Variants in ZNF91 observed in about 807,000 individuals in gnomAD.
The protein encoded by ZNF91 is zinc finger protein 91 (HPF7, HTF10).
In ZNF91, 7 loss-of-function variants were observed where a neutral mutation model predicts 12.6. That is an observed-to-expected ratio of 0.55 (90% CI 0.31 to 1.04). ZNF91 has a LOEUF of 1.04. Among genes scored for constraint, ZNF91 ranks in the 50% least tolerant of loss-of-function variants. ZNF91 has a pLI of 0.05. For missense variants in ZNF91, 1,217 were observed against 1,385.4 expected (o/e 0.88, Z 1.93); for synonymous variants, 453 against 462.6 (o/e 0.98, Z 0.27).
rs1418863068 is a variant in ZNF91 at position 23,395,307 on chromosome 19, C to G, written c.30+18G>C. 1.9e-6 allele frequency: 3 copies of G among 1,612,888 alleles called. No individual in the cohort carries two copies. The highest frequency in any genetic ancestry group is 1.3e-5 in the African/African-American group (1 of 74,980). On this transcript the variant is annotated intron_variant, in intron 1 of 3. Coordinates refer to ENST00000300619, the MANE Select transcript of ZNF91 (RefSeq NM_003430.4). The stretch of plus-strand genomic sequence containing the variant: ...AGCCCCGTTCCCTCTCTCGGGACGT[C>G]GCACCTGGCAGTCTCACCATTTCTA...
At chr19:23,337,811 T>C (rs541137620), downstream of ZNF91, 1 of 152,224 alleles carries the variant, frequency 6.6e-6, no homozygotes, top group South Asian at 2.1e-4. Flanking sequence ...TATCTTTTAA[T>C]AGAAACTGAA....
intron 1 of ZNF91, chr19:23,385,105 TCCGAACAGTACC>T (rs986127522): frequency 6.1e-6 from 5 of 824,430 alleles, no homozygotes; most frequent in Non-Finnish European, 1.0e-5. Context: ...CTCCAACCTG[TCCGAACAGTACC>T]CCGAATGGCC....
intron 1 of ZNF91, chr19:23,327,761 TTTAA>T (rs951090594): frequency 3.9e-5 from 6 of 152,198 alleles, no homozygotes; most frequent in Non-Finnish European, 7.3e-5. Flanking sequence ...TTTATAATGG[TTTAA>T]TTAACAACCC....
intron 3 of ZNF91, among the ~76,000 whole-genome samples, chr19:23,349,346 T>G (rs1968306590): frequency 6.6e-6 from 1 of 152,110 alleles, no homozygotes; most frequent in Non-Finnish European, 1.5e-5. Context: ...AAAATTTCTC[T>G]CTTTATACTC....
rs767174133 is a variant in ZNF91 at position 23,362,031 on chromosome 19, A to G, written c.948T>C (p.His316=). The G allele has an allele frequency of 4.3e-6, 7 of 1,613,752 alleles. No homozygotes were observed. The highest frequency in any genetic ancestry group is 1.1e-5 in the South Asian group (1 of 91,062). Residue 316 remains histidine, a synonymous_variant, in exon 4 of 4, where the codon CAT becomes CAC. Coordinates refer to ENST00000300619, the MANE Select transcript of ZNF91 (RefSeq NM_003430.4). ...CACATTTGTAGGGTTTCTCTCCAGT[A>G]TGAATTCTCTTATGTTTAGCAAGGG... ...SSTLAKHKRI[H]TGEKPYKCEE... is the part of the protein sequence containing the mutation.
chr19:23,317,239 G>A (rs991514965), intron 1 of ZNF91, among the ~76,000 whole-genome samples: 7 of 151,908 alleles, frequency 4.6e-5, no homozygotes, highest in African/African-American at 1.2e-4. Context: ...TAGTAGAGAC[G>A]GGGTTTCACC....
intron 1 of ZNF91, chr19:23,324,550 T>TACATATACATACATAC (rs1259254928): frequency 6.6e-6 from 1 of 151,220 alleles, no homozygotes; most frequent in South Asian, 2.1e-4. Flanking sequence ...TACATATGTA[T>TACATATACATACATAC]GTATATACGT....
At position 23,305,207 on chromosome 19, in the gene ZNF91, TAAACACATAC is replaced by T. The variant is rs1353533957; in HGVS notation, n.278-86_278-77del. The T allele has an allele frequency of 3.9e-5, 6 of 152,294 alleles. No homozygotes were observed. The South Asian group carries it at 1.0e-3, about 26-fold the overall frequency. The allele number at this position is 152,294 out of a possible 1,614,324, so 9.4% of individuals were successfully genotyped here. A position where few individuals can be genotyped will look rare whatever the true frequency, so the allele number is the denominator to read the frequency against. On this transcript the variant is annotated intron_variant and non_coding_transcript_variant, in intron 3 of 3. Transcript: ENST00000593292. ...GGTTAACAGATATAATATATGTAGATAAACACATACAAACACATACAATATATAAATATAT... is the reference window on the plus strand; with the variant it reads ...GGTTAACAGATATAATATATGTAGATAAACACATACAATATATAAATATAT...
chr19:23,315,398 G>C (rs940168811), upstream of ZNF91, among the ~76,000 whole-genome samples: 1 of 152,066 alleles, frequency 6.6e-6, no homozygotes, highest in Non-Finnish European at 1.5e-5. Context: ...CGTATCTCTG[G>C]GCCAAGCAGC....
In ZNF91 at chr19:23,359,041, T is replaced by C; in HGVS notation, c.*362A>G. ...AAATTTTTCCTGTTTGTAGGGTTGC[T>C]GTCCAGTATGAATTTTCTTATGTCT... On this transcript the variant is annotated 3_prime_UTR_variant, in exon 4 of 4. Transcript: ENST00000300619. The C allele has an allele frequency of 3.7e-6, 2 of 535,860 alleles. No homozygotes were observed. The highest frequency in any genetic ancestry group is 7.2e-6 in the Non-Finnish European group (2 of 275,966). 33.2% of individuals were successfully genotyped at this position (535,860 alleles called of 1,614,324 possible).
chr19:23,391,361 T>C (rs1040221263), intron 1 of ZNF91, among the ~76,000 whole-genome samples: 3 of 152,164 alleles, frequency 2.0e-5, no homozygotes, highest in Non-Finnish European at 4.4e-5. Flanking sequence ...TGAGCCACCA[T>C]ACAACCCCAT....
intron 1 of ZNF91, among the ~76,000 whole-genome samples, chr19:23,378,205 T>C (rs1969574823): frequency 1.3e-5 from 2 of 152,234 alleles, no homozygotes; most frequent in Non-Finnish European, 2.9e-5. Flanking sequence ...TTTCCATTTA[T>C]CTGCTATTGG....
chr19:23,386,876 C>T (rs1490707946), intron 1 of ZNF91, among the ~76,000 whole-genome samples: 2 of 152,058 alleles, frequency 1.3e-5, no homozygotes, highest in African/African-American at 2.4e-5. Flanking sequence ...AGACAACCTA[C>T]GGAATAATAG....
chr19:23,366,540 G>C (rs996806602), intron 3 of ZNF91, among the ~76,000 whole-genome samples: 1 of 152,286 alleles, frequency 6.6e-6, no homozygotes, highest in Non-Finnish European at 1.5e-5. Flanking sequence ...AGTTTATTTG[G>C]CTCACAATTC....
intron 2 of ZNF91, among the ~76,000 whole-genome samples, 157 bp downstream of exon 2, chr19:23,374,481 A>G (rs1969424428): frequency 6.7e-6 from 1 of 148,254 alleles, no homozygotes; most frequent in Non-Finnish European, 1.5e-5. Context: ...AATGGTGTGA[A>G]CCTGGGAGGC....
chr19:23,344,743 C>T (rs1968187806), intron 3 of ZNF91, among the ~76,000 whole-genome samples: 3 of 152,174 alleles, frequency 2.0e-5, no homozygotes, highest in Non-Finnish European at 2.9e-5. Flanking sequence ...GAAAGATTCT[C>T]CCGAAAACTT....
intron 1 of ZNF91, among the ~76,000 whole-genome samples, chr19:23,319,194 A>G (rs1967632351): frequency 6.6e-6 from 1 of 152,164 alleles, no homozygotes; most frequent in Non-Finnish European, 1.5e-5. Flanking sequence ...CCAAGGAGGT[A>G]TTGTGACGTA....
In ZNF91 at chr19:23,380,212, T is replaced by C. The variant is rs577402187; in HGVS notation, c.31-5448A>G. On this transcript the variant is annotated intron_variant, in intron 1 of 3. Transcript: ENST00000300619. ...AGGCGGAGGTTGCAGTGAGCCGAGA[T>C]TGCGAGATTGCACCATTGCACTCTG... 5 of 138,490 alleles carry C rather than the reference T, an allele frequency of 3.6e-5. No individual in the cohort carries two copies. The South Asian group carries it at 6.8e-4, about 19-fold the overall frequency. The allele number at this position is 138,490 out of a possible 1,614,324, so 8.6% of individuals were successfully genotyped here.
chr19:23,317,294 C>T (rs1200433789), intron 1 of ZNF91, among the ~76,000 whole-genome samples: 2 of 152,034 alleles, frequency 1.3e-5, no homozygotes, highest in East Asian at 1.9e-4. Flanking sequence ...ATGATCTGCC[C>T]GCCTCGGCCT....
Sources: gnomAD v4.1 joint callset for allele counts (sites outside exome capture counted in the v4.1 genomes callset) on GRCh38, gnomAD v4.1.1 for gene constraint, MANE v1.5 for transcripts, NCBI Gene and HGNC (gene_info 2026-07-23, HGNC 2026-07-21) for gene names.